Variants in PIGN observed in about 807,000 individuals in gnomAD.
The protein encoded by PIGN is phosphatidylinositol glycan anchor biosynthesis class N.
A neutral mutation model predicts 125.4 loss-of-function variants in PIGN; 117 were observed. The ratio of observed to expected loss-of-function variants is 0.93; its 90% CI spans 0.80 to 1.09. PIGN has a LOEUF of 1.09. PIGN is among the 50% of genes least tolerant of loss of function. PIGN has a pLI of 0.00. For missense variants in PIGN, 1,075 were observed against 1,094.9 expected (o/e 0.98, Z 0.26); for synonymous variants, 392 against 377.8 (o/e 1.04, Z -0.44).
At chr18:62,065,657 T>G (rs1032001196) in intron 30 of PIGN, among the ~76,000 whole-genome samples, 2 of 151,852 alleles carry the variant, frequency 1.3e-5, no homozygotes, top group African/African-American at 4.8e-5. Context: ...GAGAATGGTG[T>G]GAACCCGGGA....
At chr18:62,175,421 A>C (rs2037490869) in intron 1 of PIGN, among the ~76,000 whole-genome samples, 1 of 151,956 alleles carries the variant, frequency 6.6e-6, no homozygotes, top group Non-Finnish European at 1.5e-5. Context: ...AAAGGTTAAA[A>C]CTCTTTAACC....
At chr18:62,142,396 G>C (rs962636573) in intron 11 of PIGN, among the ~76,000 whole-genome samples, 1 of 152,146 alleles carries the variant, frequency 6.6e-6, no homozygotes, top group Non-Finnish European at 1.5e-5. Context: ...TATGAATAAG[G>C]GATGTTCTTG....
chr18:62,156,266 C>G (rs986644182), intron 6 of PIGN, among the ~76,000 whole-genome samples: 2 of 152,092 alleles, frequency 1.3e-5, no homozygotes, highest in Non-Finnish European at 2.9e-5. Context: ...CCATATATAT[C>G]AAATGCCAGA....
intron 1 of PIGN, among the ~76,000 whole-genome samples, chr18:62,179,186 T>C (rs2037631394): frequency 6.6e-6 from 1 of 152,222 alleles, no homozygotes; most frequent in African/African-American, 2.4e-5. Flanking sequence ...TCAACATGAC[T>C]TACTAAACTG....
chr18:62,150,235 C>T (rs1169055487), intron 7 of PIGN, among the ~76,000 whole-genome samples: 6 of 152,214 alleles, frequency 3.9e-5, no homozygotes, highest in Non-Finnish European at 7.3e-5. Context: ...TCACCCACCT[C>T]GGCCTCCCAA....
intron 30 of PIGN, among the ~76,000 whole-genome samples, chr18:62,061,860 T>A (rs2032164618): frequency 6.6e-6 from 1 of 152,056 alleles, no homozygotes; most frequent in Admixed American, 6.6e-5. Flanking sequence ...AATAATGAAG[T>A]TTTGACATGT....
rs2037201169 is a variant in PIGN at position 62,167,696 on chromosome 18, C to CA, written c.-235-4041_-235-4040insT. 2.6e-5 allele frequency among the ~76,000 whole-genome samples: 3 copies of CA among 115,940 alleles called. No individual in the cohort carries two copies. The South Asian group carries it at 9.8e-4, about 38-fold the overall frequency. The allele number at this position is 115,940 out of a possible 152,430, so 76.1% of individuals were successfully genotyped here. A position where few individuals can be genotyped will look rare whatever the true frequency, so the allele number is the denominator to read the frequency against. On this transcript the variant is annotated intron_variant, in intron 1 of 30. Coordinates refer to ENST00000640252, the MANE Select transcript of PIGN (RefSeq NM_176787.5). ...CATAACACACTCTCTCTCTCTCTCTCTACATATATATATATATACACACAC... is the reference window on the plus strand; with the variant it reads ...CATAACACACTCTCTCTCTCTCTCTCATACATATATATATATATACACACAC...
chr18:62,098,576 A>G (rs2034306391), intron 22 of PIGN, among the ~76,000 whole-genome samples: 1 of 152,214 alleles, frequency 6.6e-6, no homozygotes, highest in Admixed American at 6.5e-5. Context: ...TCTAAATGAC[A>G]TAAGTAGAAC....
Position 62,161,183 on chromosome 18 carries a change from A to G in PIGN, c.171T>C (p.Asp57=), listed in dbSNP as rs375983498. 6.8e-6 allele frequency: 11 copies of G among 1,613,838 alleles called. No homozygotes were observed. The highest frequency in any genetic ancestry group is 1.3e-5 in the African/African-American group (1 of 74,948). Residue 57 remains aspartate, a synonymous_variant, in exon 4 of 31, where the codon GAT becomes GAC. Coordinates refer to ENST00000640252, the MANE Select transcript of PIGN (RefSeq NM_176787.5). The part of the protein sequence containing the change: ...VLFVADGLRA[D]ALYELDENGN... ...CATTTTCATCTAATTCGTAAAGTGC[A>G]TCTGCTCGAAGGCCATCAGCAACAA...
chr18:62,144,170 T>C (rs1443386029), intron 10 of PIGN, among the ~76,000 whole-genome samples: 2 of 152,216 alleles, frequency 1.3e-5, no homozygotes, highest in African/African-American at 4.8e-5. Flanking sequence ...ATTCTTGAAA[T>C]CATGTGATTC....
Position 62,105,499 on chromosome 18 carries a change from A to G in PIGN, c.1859+44T>C, listed in dbSNP as rs887858561. On this transcript the variant is annotated intron_variant, in intron 20 of 30. Coordinates refer to ENST00000640252, the MANE Select transcript of PIGN (RefSeq NM_176787.5). ...AATTTTACAGTGTTAATTGAGGAAA[A>G]AAAAGTGTATTGAAAATAGAATAAA... 6.9e-6 allele frequency: 8 copies of G among 1,152,416 alleles called. 1 individual carries two copies. The highest frequency in any genetic ancestry group is 6.2e-5 in the African/African-American group (4 of 64,896). 71.4% of individuals were successfully genotyped at this position (1,152,416 alleles called of 1,614,324 possible).
chr18:62,167,850 C>G (rs1025439751), intron 1 of PIGN, among the ~76,000 whole-genome samples: 1 of 151,876 alleles, frequency 6.6e-6, no homozygotes, highest in East Asian at 1.9e-4. Flanking sequence ...ATCTTTTTAT[C>G]CCTTCTCATT....
At chr18:62,112,039 C>T (rs1230663739) in intron 16 of PIGN, among the ~76,000 whole-genome samples, 2 of 152,138 alleles carry the variant, frequency 1.3e-5, no homozygotes, top group Admixed American at 6.6e-5. Context: ...CCCTCACATG[C>T]TATCTGAGTG....
rs62096075 is a variant in PIGN at position 62,167,398 on chromosome 18, G to T, written c.-235-3742C>A. 3.4e-5 allele frequency among the ~76,000 whole-genome samples: 5 copies of T among 147,706 alleles called. 1 individual carries two copies. The highest frequency in any genetic ancestry group is 1.4e-4 in the Admixed American group (2 of 14,796). On this transcript the variant is annotated intron_variant, in intron 1 of 30. Coordinates refer to ENST00000640252, the MANE Select transcript of PIGN (RefSeq NM_176787.5). ...TGTAATCCCAGCATTTTGGGAGGCC[G>T]AGGTGGGTGGATCTCTTGAGGTCAG...
chr18:62,143,578 T>A (rs1470789307), intron 10 of PIGN, among the ~76,000 whole-genome samples: 1 of 152,178 alleles, frequency 6.6e-6, no homozygotes, highest in Non-Finnish European at 1.5e-5. Flanking sequence ...TTAAGCTTCT[T>A]AAATGTTTAC....
chr18:62,165,189 TTCC>T (rs1417201494), intron 1 of PIGN, among the ~76,000 whole-genome samples: 1 of 152,120 alleles, frequency 6.6e-6, no homozygotes, highest in East Asian at 1.9e-4. Flanking sequence ...TAAAGTGAGG[TTCC>T]TCCTCCTGTT....
At position 62,155,962 on chromosome 18, in the gene PIGN, T is replaced by C. The variant is rs141674201; in HGVS notation, c.442+1167A>G. 1.6e-3 allele frequency among the ~76,000 whole-genome samples: 239 copies of C among 152,328 alleles called. 1 individual carries two copies. Among genetic ancestry groups the C allele is most frequent in the African/African-American group, 5.3e-3 (221 of 41,572 alleles). Reference sequence around the variant, plus strand: ...ACTATCATCTGTAAAATTCTCAATATATATTTTGCTTCCTGGACACATAAT... The same window carrying C: ...ACTATCATCTGTAAAATTCTCAATACATATTTTGCTTCCTGGACACATAAT... On this transcript the variant is annotated intron_variant, in intron 6 of 30. Coordinates refer to ENST00000640252, the MANE Select transcript of PIGN (RefSeq NM_176787.5).
At chr18:62,158,017 A>C (rs1224660954) in intron 4 of PIGN, 8 of 484,900 alleles carry the variant, frequency 1.6e-5, no homozygotes, top group Non-Finnish European at 2.6e-5. Context: ...CTGATGTAAG[A>C]CCAAACAAAG....
chr18:62,105,433 T>C (rs564223769), intron 20 of PIGN, 110 bp downstream of exon 20: 1 of 668,044 alleles, frequency 1.5e-6, no homozygotes, highest in South Asian at 2.0e-5. Context: ...AAATTCCCGT[T>C]AGTTCACATG....
Sources: gnomAD v4.1 joint callset for allele counts (sites outside exome capture counted in the v4.1 genomes callset) on GRCh38, gnomAD v4.1.1 for gene constraint, MANE v1.5 for transcripts, NCBI Gene and HGNC (gene_info 2026-07-23, HGNC 2026-07-21) for gene names.